ADAMTS14: variants seen among roughly 807,000 people sequenced by gnomAD.
ADAMTS14 encodes the protein ADAM metallopeptidase with thrombospondin type 1 motif 14.
In ADAMTS14, 100 loss-of-function variants were observed where a neutral mutation model predicts 128.6. That is an observed-to-expected ratio of 0.78 (90% CI 0.66 to 0.92). The LOEUF is 0.92. ADAMTS14 is among the 40% of genes least tolerant of loss of function. The probability of loss-of-function intolerance (pLI) is 0.00; values close to 1 mark genes in which losing one functional copy is unlikely to be tolerated. For synonymous variants in ADAMTS14, 665 were observed against 653.8 expected, an observed-to-expected ratio of 1.02 and a Z score of -0.26; for missense variants, 1,562 against 1,658.6, an observed-to-expected ratio of 0.94 and a Z score of 1.01.
intron 2 of ADAMTS14, among the ~76,000 whole-genome samples, chr10:70,696,724 G>T (rs1249425242): frequency 1.3e-5 from 2 of 152,176 alleles, no homozygotes; most frequent in African/African-American, 4.8e-5. Context: ...GGAGCCAAGT[G>T]CTAGGGTTAG....
rs1460103780 is a variant in ADAMTS14 at position 70,701,428 on chromosome 10, A to G, written c.523-884A>G. Among the ~76,000 whole-genome samples the G allele has an allele frequency of 2.0e-5, 3 of 152,188 alleles. No individual in the cohort carries two copies. In the East Asian group the frequency reaches 5.8e-4, roughly 29 times the overall value. ...ATTTATTTGCTAAATAATGCCTACT[A>G]TTTTCCATCCACCACGGTAGGTGGG... On this transcript the variant is annotated intron_variant, in intron 2 of 21. Transcript: ENST00000373207.
rs762125445 is a variant in ADAMTS14, at chr10:70,738,965, C to T, written c.1723C>T (p.Arg575Cys). 9.9e-6 allele frequency: 16 copies of T among 1,612,038 alleles called. No homozygotes were observed. Among genetic ancestry groups the T allele is most frequent in the East Asian group, 4.5e-5 (2 of 44,850 alleles). Residue 575 changes from arginine (R) to cysteine (C), a missense_variant, in exon 11 of 22, where the codon CGC (arginine) becomes TGC (cysteine). Physicochemically the swap from Arg to Cys is radical, Grantham distance 180 (BLOSUM62 -3). Transcript: ENST00000373207. ...SRSCGGGVRS[R>C]SRSCNNPSPA... ...GTCATGTGGGGGCGGGGTGCGATCCCGCAGCCGGAGCTGCAACAACCCCTC... is the reference window on the plus strand; with the variant it reads ...GTCATGTGGGGGCGGGGTGCGATCCTGCAGCCGGAGCTGCAACAACCCCTC...
intron 2 of ADAMTS14, among the ~76,000 whole-genome samples, chr10:70,692,221 T>C (rs1840212337): frequency 6.6e-6 from 1 of 152,108 alleles, no homozygotes; most frequent in Admixed American, 6.5e-5. Context: ...CTACTGTGTG[T>C]CAGGTCAGTA....
chr10:70,682,300 T>C (rs1443963306), intron 2 of ADAMTS14, among the ~76,000 whole-genome samples: 1 of 152,182 alleles, frequency 6.6e-6, no homozygotes, highest in Non-Finnish European at 1.5e-5. Context: ...TCTGGTATTA[T>C]AAGAGGTTTG....
In ADAMTS14 at chr10:70,741,093, G is replaced by C. The variant is rs1841983392; in HGVS notation, c.1855G>C (p.Ala619Pro). The stretch of plus-strand genomic sequence containing the variant: ...CGAGGACTTCCGGGCCCAGCAGTGT[G>C]CCAAGCGCAACTCCTACTATGTGCA... ...TYEDFRAQQCAKRNSYYVHQN... is the reference protein window; with the variant it reads ...TYEDFRAQQCPKRNSYYVHQN... The change falls in exon 12 of 22, where the codon GCC becomes CCC. Residue 619 changes from alanine to proline, a missense_variant. Transcript: ENST00000373207. 6.2e-7 allele frequency: 1 copy of C among 1,613,882 alleles called. No individual in the cohort carries two copies. Among genetic ancestry groups the C allele is most frequent in the East Asian group, 2.2e-5 (1 of 44,892 alleles).
chr10:70,708,522 G>A, intron 3 of ADAMTS14, 66 bp from the exon 4 acceptor site: 4 of 1,430,714 alleles, frequency 2.8e-6, no homozygotes, highest in South Asian at 1.3e-5. Context: ...GGTGGGTGGT[G>A]GGCAATGTCA....
chr10:70,712,732 G>C (rs564633802), intron 4 of ADAMTS14, among the ~76,000 whole-genome samples: 3 of 152,160 alleles, frequency 2.0e-5, no homozygotes, highest in African/African-American at 7.2e-5. Context: ...ATTCCGATAA[G>C]GGGGAAAGAC....
intron 14 of ADAMTS14, among the ~76,000 whole-genome samples, 189 bp downstream of exon 14, chr10:70,744,378 C>T (rs1842109821): frequency 6.6e-6 from 1 of 152,184 alleles, no homozygotes; most frequent in Non-Finnish European, 1.5e-5. Context: ...CCTCACCTTT[C>T]AGGCAAGCTC....
intron 4 of ADAMTS14, among the ~76,000 whole-genome samples, chr10:70,715,990 T>C (rs1310624014): frequency 6.6e-6 from 1 of 152,202 alleles, no homozygotes; most frequent in Non-Finnish European, 1.5e-5. Flanking sequence ...TCTAACCTTC[T>C]TGGCCAAATT....
At position 70,758,228 on chromosome 10, in the gene ADAMTS14, G is replaced by A; in HGVS notation, c.3121G>A (p.Glu1041Lys). 1 of 1,614,244 alleles carries A rather than the reference G, an allele frequency of 6.2e-7. No individual in the cohort carries two copies. Among genetic ancestry groups the A allele is most frequent in the East Asian group, 2.2e-5 (1 of 44,886 alleles). ...CGATGTCTGGGAACTTGGGACGCCAGAGGGGCAGTGGGTGCCACAATCTGA... is the reference window on the plus strand; with the variant it reads ...CGATGTCTGGGAACTTGGGACGCCAAAGGGGCAGTGGGTGCCACAATCTGA... ...RADVWELGTP[E>K]GQWVPQSEPL... is the part of the protein sequence containing the mutation. Residue 1041 changes from glutamate (E) to lysine (K), a missense_variant, in exon 21 of 22, where the codon GAG becomes AAG. Transcript: ENST00000373207.
intron 15 of ADAMTS14, among the ~76,000 whole-genome samples, chr10:70,749,608 A>AGAGTGT (rs879239580): frequency 6.8e-6 from 1 of 147,764 alleles, no homozygotes; most frequent in Non-Finnish European, 1.5e-5. Flanking sequence ...AGGCAGCAAG[A>AGAGTGT]GTGTGTGTGT....
chr10:70,674,539 T>G lies in ADAMTS14; in HGVS notation c.83-17T>G. 6.2e-7 allele frequency: 1 copy of G among 1,601,318 alleles called. No homozygotes were observed. Among genetic ancestry groups the G allele is most frequent in the South Asian group, 1.1e-5 (1 of 89,812 alleles). On this transcript the variant is annotated splice_polypyrimidine_tract_variant and intron_variant, in intron 1 of 21. Coordinates refer to ENST00000373207, the MANE Select transcript of ADAMTS14 (RefSeq NM_080722.4). ...GAACCGACTGCATTGAAGTGACTCT[T>G]TGTTTACCTCCAACAGAGCTGCACC...
intron 7 of ADAMTS14, 56 bp from the exon 8 acceptor site, chr10:70,733,829 C>CT (rs1841729729): frequency 1.3e-6 from 2 of 1,562,712 alleles, no homozygotes; most frequent in East Asian, 4.6e-5. Context: ...GCCTGCCTGC[C>CT]TTCCCGGGGC....
chr10:70,675,694 ACATTGCAAACC>A (rs1222538120), intron 2 of ADAMTS14, among the ~76,000 whole-genome samples: 1 of 152,162 alleles, frequency 6.6e-6, no homozygotes, highest in Middle Eastern at 3.2e-3. Context: ...AGTTGGCTCC[ACATTGCAAACC>A]AGAAAGCCAT....
intron 9 of ADAMTS14, 50 bp from the exon 10 acceptor site, chr10:70,736,630 T>C: frequency 6.4e-7 from 1 of 1,556,880 alleles, no homozygotes. Context: ...CCCTTTGTTC[T>C]TGGACAAAGA....
At chr10:70,681,865 G>A (rs1199265781) in intron 2 of ADAMTS14, among the ~76,000 whole-genome samples, 2 of 152,254 alleles carry the variant, frequency 1.3e-5, no homozygotes, top group African/African-American at 4.8e-5. Context: ...GGGGCAGGGG[G>A]CACCAGAGCC....
At chr10:70,692,954 T>G (rs969848906) in intron 2 of ADAMTS14, among the ~76,000 whole-genome samples, 3 of 152,166 alleles carry the variant, frequency 2.0e-5, no homozygotes, top group African/African-American at 4.8e-5. Flanking sequence ...TAAAGAAGAA[T>G]TTTAGTTGGC....
At position 70,674,936 on chromosome 10, in the gene ADAMTS14, A is replaced by T; in HGVS notation, c.463A>T (p.Thr155Ser). The change falls in exon 2 of 22, where the codon ACT (threonine) becomes TCT (serine). Residue 155 changes from threonine (T) to serine (S), a missense_variant. Thr to Ser is a moderately conservative substitution (Grantham distance 58). Coordinates refer to ENST00000373207, the MANE Select transcript of ADAMTS14 (RefSeq NM_080722.4). ...GCCCTTACGGCAGGAGTGTGTGTAC[A>T]CTGGAGGTGTCACTGGAATGCCTGG... ...RQPLRQECVY[T>S]GGVTGMPGAA... The T allele has an allele frequency of 6.2e-7, 1 of 1,613,190 alleles. No individual in the cohort carries two copies. The highest frequency in any genetic ancestry group is 8.5e-7 in the Non-Finnish European group (1 of 1,180,012).
chr10:70,740,494 C>T (rs1015329363), intron 11 of ADAMTS14, among the ~76,000 whole-genome samples: 2 of 152,222 alleles, frequency 1.3e-5, no homozygotes, highest in African/African-American at 2.4e-5. Context: ...GTTGCACTGT[C>T]AGGACTTGGA....
Sources: gnomAD v4.1 joint callset for allele counts (sites outside exome capture counted in the v4.1 genomes callset) on GRCh38, gnomAD v4.1.1 for gene constraint, MANE v1.5 for transcripts, NCBI Gene and HGNC (gene_info 2026-07-23, HGNC 2026-07-21) for gene names.